The following FBXL17 variants were observed in gnomAD, a reference collection of about 807,000 sequenced individuals.
FBXL17 encodes F-box and leucine rich repeat protein 17.
In FBXL17, 22 loss-of-function variants were observed where a neutral mutation model predicts 66.2. That is an observed-to-expected ratio of 0.33 (90% CI 0.24 to 0.47). FBXL17 has a LOEUF of 0.47. FBXL17 is among the 20% of genes least tolerant of loss of function. FBXL17 has a pLI of 1.00. For synonymous variants in FBXL17, 474 were observed against 400.5 expected (o/e 1.18, Z -2.19); for missense variants, 878 against 948.2 (o/e 0.93, Z 0.97).
intron 7 of FBXL17, among the ~76,000 whole-genome samples, chr5:107,931,506 C>T (rs1007337970): frequency 6.6e-6 from 1 of 151,996 alleles, no homozygotes; most frequent in African/African-American, 2.4e-5. Flanking sequence ...AGCTATTTGC[C>T]CACCTCAGCC....
intron 4 of FBXL17, among the ~76,000 whole-genome samples, chr5:108,305,701 T>G (rs1223479138): frequency 1.3e-5 from 2 of 152,044 alleles, no homozygotes; most frequent in Non-Finnish European, 2.9e-5. Context: ...ATGCTCAGTT[T>G]GAACTGAAAA....
At chr5:107,908,488 G>A (rs1444575280) in intron 7 of FBXL17, among the ~76,000 whole-genome samples, 2 of 152,158 alleles carry the variant, frequency 1.3e-5, no homozygotes, top group Non-Finnish European at 2.9e-5. Context: ...CAAAGTTAAA[G>A]GAAGTCTGAG....
intron 4 of FBXL17, among the ~76,000 whole-genome samples, chr5:108,344,008 A>G (rs1004848059): frequency 6.6e-5 from 10 of 152,180 alleles, no homozygotes; most frequent in African/African-American, 2.2e-4. Flanking sequence ...AACATGTATG[A>G]AGTAGTATTG....
chr5:108,358,183 C>T (rs994460376), intron 3 of FBXL17, among the ~76,000 whole-genome samples: 1 of 152,002 alleles, frequency 6.6e-6, no homozygotes, highest in Non-Finnish European at 1.5e-5. Context: ...CTTTTTCTTG[C>T]CAAATTGCTC....
intron 6 of FBXL17, among the ~76,000 whole-genome samples, chr5:108,038,361 T>G (rs1355337941): frequency 6.6e-6 from 1 of 152,062 alleles, no homozygotes; most frequent in Non-Finnish European, 1.5e-5. Context: ...TACATGATAA[T>G]TTTTTTGAGA....
At chr5:107,899,850 T>C (rs545310108) in intron 7 of FBXL17, among the ~76,000 whole-genome samples, 69 of 152,254 alleles carry the variant, frequency 4.5e-4, no homozygotes, top group Middle Eastern at 3.4e-3. Flanking sequence ...CTGTTGGGTC[T>C]AATATTCACT....
At chr5:108,190,567 CTT>C (rs1169593863) in intron 5 of FBXL17, among the ~76,000 whole-genome samples, 3 of 152,200 alleles carry the variant, frequency 2.0e-5, no homozygotes, top group Non-Finnish European at 4.4e-5. Context: ...CCATATATAT[CTT>C]AACACAGGTT....
chr5:107,887,358 C>T (rs1749008774), intron 7 of FBXL17, among the ~76,000 whole-genome samples: 1 of 152,146 alleles, frequency 6.6e-6, no homozygotes, highest in Non-Finnish European at 1.5e-5. Context: ...ATTTCCTCCT[C>T]AATAGAAGGA....
intron 7 of FBXL17, among the ~76,000 whole-genome samples, chr5:107,944,325 T>A (rs1751212556): frequency 6.6e-6 from 1 of 152,228 alleles, no homozygotes; most frequent in Non-Finnish European, 1.5e-5. Flanking sequence ...CCCTTATTTA[T>A]ATCAAGGTCA....
At chr5:108,114,103 T>C (rs1750146236) in intron 6 of FBXL17, among the ~76,000 whole-genome samples, 1 of 152,200 alleles carries the variant, frequency 6.6e-6, no homozygotes, top group African/African-American at 2.4e-5. Context: ...CAGTGCTGTA[T>C]ATGAAGGTCA....
intron 7 of FBXL17, among the ~76,000 whole-genome samples, chr5:107,988,570 A>G (rs1753109948): frequency 6.8e-6 from 1 of 147,010 alleles, no homozygotes; most frequent in African/African-American, 2.7e-5. Flanking sequence ...CAAAGCATTT[A>G]AATTAAATAT....
chr5:108,008,197 T>TA (rs1754011893), intron 7 of FBXL17, among the ~76,000 whole-genome samples: 1 of 152,208 alleles, frequency 6.6e-6, no homozygotes, highest in Admixed American at 6.5e-5. Flanking sequence ...ACATGCTTGA[T>TA]ACCCTCATCC....
intron 4 of FBXL17, among the ~76,000 whole-genome samples, chr5:108,250,935 C>G (rs963222006): frequency 3.3e-5 from 5 of 152,030 alleles, no homozygotes; most frequent in Non-Finnish European, 7.4e-5. Context: ...AATAGCTACA[C>G]AGTATTCTAT....
At chr5:107,927,691 GTTCT>G (rs1580719515) in intron 7 of FBXL17, among the ~76,000 whole-genome samples, 2 of 152,018 alleles carry the variant, frequency 1.3e-5, no homozygotes, top group African/African-American at 2.4e-5. Flanking sequence ...CGTAGAAAAG[GTTCT>G]TTAATTTCCA....
At chr5:108,058,333 A>G (rs576351658) in intron 6 of FBXL17, among the ~76,000 whole-genome samples, 3 of 152,342 alleles carry the variant, frequency 2.0e-5, no homozygotes, top group Admixed American at 2.0e-4. Context: ...TCTTACATTT[A>G]GAAATAATTT....
At position 108,323,346 on chromosome 5, in the gene FBXL17, A is replaced by C. The variant is rs377264452; in HGVS notation, c.1506+25053T>G. Among the ~76,000 whole-genome samples the C allele has an allele frequency of 3.0e-4, 46 of 152,042 alleles. No individual in the cohort carries two copies. In the South Asian group the frequency reaches 7.7e-3, roughly 25 times the overall value. On this transcript the variant is annotated intron_variant, in intron 4 of 8. Transcript: ENST00000542267. Reference sequence around the variant, plus strand: ...GAAAAAGAAATTAAGAGAACTATTCAATTTACAGTAGCATCAAAAGGGGTA... The same window carrying C: ...GAAAAAGAAATTAAGAGAACTATTCCATTTACAGTAGCATCAAAAGGGGTA...
intron 4 of FBXL17, among the ~76,000 whole-genome samples, chr5:108,274,772 G>C (rs541942059): frequency 6.7e-4 from 102 of 152,234 alleles, no homozygotes; most frequent in African/African-American, 2.4e-3. Flanking sequence ...CACAATCCAC[G>C]TTCTTCTGCC....
At position 108,053,036 on chromosome 5, in the gene FBXL17, T is replaced by C. The variant is rs1358894684; in HGVS notation, c.1746-32035A>G. Among the ~76,000 whole-genome samples the C allele has an allele frequency of 7.0e-4, 107 of 152,066 alleles. 7 individuals are homozygous for C. Among genetic ancestry groups the C allele is most frequent in the Non-Finnish European group, 4.4e-5 (3 of 67,998 alleles). The stretch of plus-strand genomic sequence containing the variant: ...CTGGACCCCTTCCTTACACGTTACA[T>C]AAAAATTAACTCAAGATGGATTAAA... On this transcript the variant is annotated intron_variant, in intron 6 of 8. Coordinates refer to ENST00000542267, the MANE Select transcript of FBXL17 (RefSeq NM_001163315.3).
At chr5:108,354,474 A>C (rs1747838720) in intron 3 of FBXL17, among the ~76,000 whole-genome samples, 1 of 152,120 alleles carries the variant, frequency 6.6e-6, no homozygotes, top group South Asian at 2.1e-4. Context: ...AAATGAACAG[A>C]ATATCTAAGA....
Sources: gnomAD v4.1 joint callset for allele counts (sites outside exome capture counted in the v4.1 genomes callset) on GRCh38, gnomAD v4.1.1 for gene constraint, MANE v1.5 for transcripts, NCBI Gene and HGNC (gene_info 2026-07-23, HGNC 2026-07-21) for gene names.